The following MRC2 variants were observed in gnomAD, a reference collection of about 807,000 sequenced individuals.
The protein encoded by MRC2 is C-type mannose receptor 2.
A neutral mutation model predicts 206.2 loss-of-function variants in MRC2; 84 were observed. The observed-to-expected ratio is 0.41, with a 90% CI of 0.34 to 0.49. MRC2 has a LOEUF of 0.49. MRC2 is among the 20% of genes least tolerant of loss of function. The pLI is 0.31. For synonymous variants in MRC2, 798 were observed against 800.0 expected (o/e 1.00, Z 0.04); for missense variants, 1,676 against 2,001.5 (o/e 0.84, Z 3.10).
Position 62,675,357 on chromosome 17 carries a change from G to A in MRC2, c.1570-433G>A, listed in dbSNP as rs1192991705. 6.6e-6 allele frequency among the ~76,000 whole-genome samples: 1 copy of A among 152,250 alleles called. No individual in the cohort carries two copies. The highest frequency in any genetic ancestry group is 6.5e-5 in the Admixed American group (1 of 15,298). ...CATCCCCGGGCCAGGAGCATCCTGC[G>A]CCGACTCCAGCTTTGCCAGGCCCTC... is the stretch of plus-strand genomic sequence containing the variant. On this transcript the variant is annotated intron_variant, in intron 9 of 29. Transcript: ENST00000303375. This position sits in a 1 kb window ranked among gnomAD's most constrained non-coding sequence, Gnocchi z 4.1.
In MRC2 at chr17:62,666,604, C is replaced by A; in HGVS notation, c.844C>A (p.Gln282Lys). 5 of 1,592,788 alleles carry A rather than the reference C, an allele frequency of 3.1e-6. No individual in the cohort carries two copies. The highest frequency in any genetic ancestry group is 8.5e-7 in the Non-Finnish European group (1 of 1,169,984). ...DLLSITEIHEQTYINGLLTGY... is the reference protein window; with the variant it reads ...DLLSITEIHEKTYINGLLTGY... The stretch of plus-strand genomic sequence containing the variant: ...GCTGAGCATCACGGAGATCCACGAG[C>A]AGACCTACATCAACGGTGAGCCGGG... Residue 282 changes from glutamine (Q) to lysine (K), a missense_variant, in exon 4 of 30, where the codon CAG (glutamine) becomes AAG (lysine). Physicochemically the swap from Gln to Lys is moderately conservative, Grantham distance 53. Coordinates refer to ENST00000303375, the MANE Select transcript of MRC2 (RefSeq NM_006039.5). The surrounding 1 kb of genome is among the most constrained non-coding windows in gnomAD (Gnocchi z 5.0).
In MRC2 at chr17:62,671,885, A is replaced by G; in HGVS notation, c.1306+48A>G. On this transcript the variant is annotated intron_variant, in intron 7 of 29. Transcript: ENST00000303375. This position sits in a 1 kb window ranked among gnomAD's most constrained non-coding sequence, Gnocchi z 4.5. ...GTCTGGGTGGAGGGCAGGGCCTCCC[A>G]CTGCCCCACCCATCCTGTCCAGGAG... The G allele has an allele frequency of 6.3e-7, 1 of 1,585,964 alleles. No homozygotes were observed. The highest frequency in any genetic ancestry group is 1.3e-5 in the African/African-American group (1 of 74,586).
At chr17:62,676,351 G>C in intron 10 of MRC2, 32 bp from the exon 11 acceptor site, 1 of 1,610,802 alleles carries the variant, frequency 6.2e-7, no homozygotes, top group Non-Finnish European at 8.5e-7. Context: ...GAAGCAGGGA[G>C]ATCCCTGCCC....
intron 20 of MRC2, among the ~76,000 whole-genome samples, chr17:62,685,554 A>G (rs1332014369): frequency 6.6e-6 from 1 of 151,944 alleles, no homozygotes; most frequent in Non-Finnish European, 1.5e-5. Flanking sequence ...TGTTTTTGAG[A>G]CAGGGTCTTG....
intron 1 of MRC2, among the ~76,000 whole-genome samples, chr17:62,651,176 TG>T: frequency 6.6e-6 from 1 of 151,180 alleles, no homozygotes; most frequent in South Asian, 2.1e-4. Flanking sequence ...CTCCGCCTCC[TG>T]GGTTCAAGCA....
intron 6 of MRC2, among the ~76,000 whole-genome samples, chr17:62,668,390 A>AC (rs1491403890): frequency 3.4e-5 from 5 of 146,206 alleles, no homozygotes; most frequent in Non-Finnish European, 7.6e-5. Flanking sequence ...AAATAAATTT[A>AC]AAAAAAAAAA....
chr17:62,647,106 G>A (rs764061558), intron 1 of MRC2, among the ~76,000 whole-genome samples: 26 of 151,798 alleles, frequency 1.7e-4, no homozygotes, highest in Non-Finnish European at 2.6e-4. Context: ...GAACAAGAAT[G>A]CAAAAGCGTC....
chr17:62,687,190 C>T (rs1279115381), intron 20 of MRC2, among the ~76,000 whole-genome samples: 2 of 152,006 alleles, frequency 1.3e-5, no homozygotes, highest in Non-Finnish European at 2.9e-5. Context: ...GACAGAGTTT[C>T]GCTCTTGTTG....
At chr17:62,644,780 A>G (rs1341202686) in intron 1 of MRC2, among the ~76,000 whole-genome samples, 1 of 152,098 alleles carries the variant, frequency 6.6e-6, no homozygotes, top group Admixed American at 6.6e-5. Flanking sequence ...GTGAGGGCAT[A>G]GGATTCCTCC....
At chr17:62,639,247 G>T (rs1025581603) in intron 1 of MRC2, among the ~76,000 whole-genome samples, 1 of 152,082 alleles carries the variant, frequency 6.6e-6, no homozygotes, top group Non-Finnish European at 1.5e-5. Context: ...AGGGGGCTGA[G>T]GCAGGAGAAT....
At chr17:62,661,565 C>CTTCCTTCCTTCA (rs1459043620) in intron 1 of MRC2, 3 of 113,840 alleles carry the variant, frequency 2.6e-5, no homozygotes, top group African/African-American at 1.0e-4. Flanking sequence ...TTTCTTTCTC[C>CTTCCTTCCTTCA]TTCCTTCCTT....
chr17:62,653,041 C>T lies in MRC2; in HGVS notation c.119-11507C>T, dbSNP rs145523640. Among the ~76,000 whole-genome samples, 1,329 of 152,196 alleles carry T rather than the reference C, an allele frequency of 8.7e-3. 17 individuals carry two copies. The highest frequency in any genetic ancestry group is 0.029 in the African/African-American group (1,213 of 41,528). ...TCAAGGTGTGCCCGCCCCCGGGATG[C>T]TCGGACTCTGGGGATCCAGGCCTGG... On this transcript the variant is annotated intron_variant, in intron 1 of 29. Coordinates refer to ENST00000303375, the MANE Select transcript of MRC2 (RefSeq NM_006039.5).
Position 62,680,625 on chromosome 17 carries a change from G to T in MRC2, c.2473+172G>T. 2 of 1,260,738 alleles carry T rather than the reference G, an allele frequency of 1.6e-6. No individual in the cohort carries two copies. Among genetic ancestry groups the T allele is most frequent in the Non-Finnish European group, 2.2e-6 (2 of 930,196 alleles). 78.1% of individuals were successfully genotyped at this position (1,260,738 alleles called of 1,614,324 possible). A position where few individuals can be genotyped will look rare whatever the true frequency, so the allele number is the denominator to read the frequency against. On this transcript the variant is annotated intron_variant, in intron 16 of 29. Transcript: ENST00000303375. The surrounding 1 kb of genome is among the most constrained non-coding windows in gnomAD (Gnocchi z 4.8). ...CCACAGCCCTGTTTGCTTCCGTGTGGGAGGCGAGGCAAGCCTGGGGCCTGG... is the reference window on the plus strand; with the variant it reads ...CCACAGCCCTGTTTGCTTCCGTGTGTGAGGCGAGGCAAGCCTGGGGCCTGG...
chr17:62,690,432 G>A (rs540093352), intron 26 of MRC2, 127 bp downstream of exon 26: 34 of 1,383,672 alleles, frequency 2.5e-5, no homozygotes, highest in Middle Eastern at 5.0e-4. Flanking sequence ...AGATGCCCTC[G>A]TGCTCTCACA....
chr17:62,692,971 C>A lies in MRC2; in HGVS notation c.*520C>A. On this transcript the variant is annotated 3_prime_UTR_variant, in exon 30 of 30. Coordinates refer to ENST00000303375, the MANE Select transcript of MRC2 (RefSeq NM_006039.5). The surrounding 1 kb of genome is among the most constrained non-coding windows in gnomAD (Gnocchi z 4.2). ...CGGGCCCTGGGGATTGGGGAGCCCT[C>A]TTGTTCCTGATGAGGGTCAGCTGAG... 1 of 159,226 alleles carries A rather than the reference C, an allele frequency of 6.3e-6. No individual in the cohort carries two copies. The allele number at this position is 159,226 out of a possible 1,614,324, so 9.9% of individuals were successfully genotyped here. A position where few individuals can be genotyped will look rare whatever the true frequency, so the allele number is the denominator to read the frequency against.
intron 1 of MRC2, among the ~76,000 whole-genome samples, chr17:62,639,585 G>C (rs771946572): frequency 9.9e-5 from 15 of 151,944 alleles, no homozygotes; most frequent in Non-Finnish European, 1.8e-4. Flanking sequence ...TTTACTTTTG[G>C]TAATTTATAA....
At chr17:62,645,521 ATATATATTTTTTTTTTTT>A (rs1434258121) in intron 1 of MRC2, among the ~76,000 whole-genome samples, 1 of 45,564 alleles carries the variant, frequency 2.2e-5, no homozygotes, top group African/African-American at 8.5e-5. Flanking sequence ...ATATATATAT[ATATATATTTTTTTTTTTT>A]TTTTTTTTTT....
chr17:62,654,043 G>C (rs76594561), intron 1 of MRC2, among the ~76,000 whole-genome samples: 1 of 152,152 alleles, frequency 6.6e-6, no homozygotes, highest in South Asian at 2.1e-4. Context: ...TCCAGGCCTG[G>C]CCTGGAGGTT....
At chr17:62,627,960 G>A (rs1026599543) in intron 1 of MRC2, 40 bp downstream of exon 1, 2 of 1,326,466 alleles carry the variant, frequency 1.5e-6, no homozygotes, top group East Asian at 3.1e-5. Context: ...GGGCCCGGGC[G>A]GGGGGAGCGC....
Sources: allele counts gnomAD v4.1 joint callset (sites outside exome capture counted in the v4.1 genomes callset), GRCh38; gene constraint gnomAD v4.1.1; non-coding constraint Gnocchi (gnomAD v3.1); transcripts MANE v1.5; gene names NCBI Gene and HGNC (gene_info 2026-07-23, HGNC 2026-07-21).